CCDC73: variants seen among roughly 807,000 people sequenced by gnomAD.
CCDC73 encodes the protein coiled-coil domain-containing protein 73.
CCDC73 carries 95 observed loss-of-function variants against 116.5 expected under a neutral mutation model. The observed-to-expected ratio is 0.82, with a 90% CI of 0.69 to 0.97. The LOEUF (loss-of-function observed/expected upper bound fraction) is 0.97, where lower values mean the gene tolerates loss of function less well. CCDC73 is among the 50% of genes least tolerant of loss of function. The probability of loss-of-function intolerance (pLI) is 0.00; values close to 1 mark genes in which losing one functional copy is unlikely to be tolerated. For missense variants in CCDC73, 1,066 were observed against 1,206.8 expected (o/e 0.88, Z 1.73); for synonymous variants, 398 against 401.3 (o/e 0.99, Z 0.10).
At chr11:32,693,278 G>A (rs1856277125) in intron 6 of CCDC73, among the ~76,000 whole-genome samples, 1 of 152,192 alleles carries the variant, frequency 6.6e-6, no homozygotes, top group Non-Finnish European at 1.5e-5. Context: ...TGGTTAACAG[G>A]TTTCCTTGCC....
intron 9 of CCDC73, among the ~76,000 whole-genome samples, chr11:32,658,400 A>G (rs1352893568): frequency 3.3e-5 from 5 of 152,362 alleles, no homozygotes; most frequent in African/African-American, 1.2e-4. Flanking sequence ...AGAAAGAACT[A>G]AGAATTATGC....
upstream of CCDC73, among the ~76,000 whole-genome samples, chr11:32,795,407 G>A (rs1291428601): frequency 6.6e-6 from 1 of 151,046 alleles, no homozygotes; most frequent in Admixed American, 6.6e-5. Flanking sequence ...GGAGGTCAAG[G>A]CTGCAGTGAC....
intron 2 of CCDC73, among the ~76,000 whole-genome samples, chr11:32,721,303 G>A (rs920865436): frequency 1.3e-5 from 2 of 152,106 alleles, no homozygotes; most frequent in Non-Finnish European, 2.9e-5. Context: ...GCGATTACAG[G>A]AATGAGCCAC....
chr11:32,751,354 C>T (rs923919662), intron 2 of CCDC73, among the ~76,000 whole-genome samples: 2 of 152,138 alleles, frequency 1.3e-5, no homozygotes, highest in Admixed American at 6.5e-5. Flanking sequence ...TCCAATGGCT[C>T]CGAGACCAGT....
chr11:32,605,476 A>G (rs1855337352), intron 17 of CCDC73: 1 of 152,222 alleles, frequency 6.6e-6, no homozygotes, highest in African/African-American at 2.4e-5. Flanking sequence ...GGAAAGAATA[A>G]CTAGTAATGG....
At chr11:32,704,199 C>T (rs568069040) in intron 3 of CCDC73, among the ~76,000 whole-genome samples, 16 of 152,350 alleles carry the variant, frequency 1.1e-4, no homozygotes, top group African/African-American at 3.8e-4. Flanking sequence ...CAGCTCTAAA[C>T]CCAGGTATCC....
chr11:32,798,915 T>TGGC (rs1554971670), upstream of CCDC73, among the ~76,000 whole-genome samples: 4 of 143,086 alleles, frequency 2.8e-5, no homozygotes, highest in South Asian at 4.5e-4. Flanking sequence ...TTGTTTGTTT[T>TGGC]GGGGGGGGGC....
At chr11:32,752,663 T>A (rs1850296544) in intron 2 of CCDC73, among the ~76,000 whole-genome samples, 1 of 151,948 alleles carries the variant, frequency 6.6e-6, no homozygotes. Flanking sequence ...AGTAGTAAAG[T>A]TAAGCATATT....
At chr11:32,714,139 AG>A (rs1462671114) in intron 3 of CCDC73, among the ~76,000 whole-genome samples, 6 of 152,232 alleles carry the variant, frequency 3.9e-5, no homozygotes, top group African/African-American at 1.4e-4. Context: ...TCATTTATTT[AG>A]AAATTCATTG....
At chr11:32,803,500 T>C in the CCDC73 span, among the ~76,000 whole-genome samples, 1 of 152,366 alleles carries the variant, frequency 6.6e-6, no homozygotes, top group East Asian at 1.9e-4. Context: ...ATTTAGTTCA[T>C]AGGATTCAAT....
intron 1 of CCDC73, among the ~76,000 whole-genome samples, chr11:32,777,757 TA>T (rs1365357660): frequency 6.6e-6 from 1 of 152,154 alleles, no homozygotes; most frequent in East Asian, 1.9e-4. Context: ...TATTCCAACA[TA>T]TTACAAAAGA....
At chr11:32,781,345 T>G (rs1453590714) in intron 1 of CCDC73, among the ~76,000 whole-genome samples, 2 of 152,138 alleles carry the variant, frequency 1.3e-5, no homozygotes, top group Admixed American at 6.5e-5. Flanking sequence ...ACAAAAACAA[T>G]AAAACTCTGT....
chr11:32,733,022 C>T (rs1193603717), intron 2 of CCDC73, among the ~76,000 whole-genome samples: 4 of 151,998 alleles, frequency 2.6e-5, no homozygotes, highest in African/African-American at 9.7e-5. Context: ...TTCAGGAGAC[C>T]CATCTCACGT....
rs530360984 is a variant in CCDC73 at position 32,615,003 on chromosome 11, CAT to C, written c.1376-63_1376-62del. On this transcript the variant is annotated intron_variant, in intron 15 of 17. Coordinates refer to ENST00000335185, the MANE Select transcript of CCDC73 (RefSeq NM_001008391.4). Reference sequence around the variant, plus strand: ...TACACTAAAGGCTGATTTCATAAGACATATTTATCACCTATTTTTATAAAAAC... The same window carrying C: ...TACACTAAAGGCTGATTTCATAAGACATTTATCACCTATTTTTATAAAAAC... 7.9e-4 allele frequency: 719 copies of C among 911,486 alleles called. 6 individuals carry two copies. In the Admixed American group the frequency reaches 0.012, roughly 15 times the overall value. The allele number at this position is 911,486 out of a possible 1,614,324, so 56.5% of individuals were successfully genotyped here.
intron 9 of CCDC73, among the ~76,000 whole-genome samples, chr11:32,658,542 C>A (rs1179308590): frequency 6.6e-6 from 1 of 152,134 alleles, no homozygotes; most frequent in African/African-American, 2.4e-5. Flanking sequence ...AAGCCTGGGA[C>A]TTGATTTGGT....
At chr11:32,653,291 C>T in intron 11 of CCDC73, 64 bp from the exon 12 acceptor site, 1 of 1,013,252 alleles carries the variant, frequency 9.9e-7, no homozygotes, top group East Asian at 2.5e-5. Context: ...TAAAATCATT[C>T]TTCACATACA....
At chr11:32,624,468 C>A (rs1855551167) in intron 14 of CCDC73, among the ~76,000 whole-genome samples, 2 of 152,112 alleles carry the variant, frequency 1.3e-5, no homozygotes, top group Non-Finnish European at 2.9e-5. Context: ...TACAAGGATG[C>A]CCAATAGGGA....
upstream of CCDC73, among the ~76,000 whole-genome samples, chr11:32,799,349 C>G (rs1239010749): frequency 6.6e-6 from 1 of 152,084 alleles, no homozygotes; most frequent in Non-Finnish European, 1.5e-5. Flanking sequence ...ACCTCACCCT[C>G]CCAAAGTGCT....
intron 9 of CCDC73, among the ~76,000 whole-genome samples, chr11:32,656,206 C>T (rs768095400): frequency 4.0e-5 from 6 of 151,858 alleles, no homozygotes; most frequent in South Asian, 2.1e-4. Context: ...GCCTCCCGAG[C>T]AGCTGGGACT....
Sources: gnomAD v4.1 joint callset for allele counts (sites outside exome capture counted in the v4.1 genomes callset) on GRCh38, gnomAD v4.1.1 for gene constraint, MANE v1.5 for transcripts, NCBI Gene and HGNC (gene_info 2026-07-23, HGNC 2026-07-21) for gene names.